FREM1: variants seen among roughly 807,000 people sequenced by gnomAD.
FREM1 encodes FRAS1-related extracellular matrix protein 1.
A neutral mutation model predicts 210.1 loss-of-function variants in FREM1; 220 were observed. That is an observed-to-expected ratio of 1.05 (90% CI 0.94 to 1.17). The LOEUF (loss-of-function observed/expected upper bound fraction) is 1.17, where lower values mean the gene tolerates loss of function less well. FREM1 is among the 50% of genes most tolerant of loss of function. The probability of loss-of-function intolerance (pLI) is 0.00; values close to 1 mark genes in which losing one functional copy is unlikely to be tolerated. For synonymous variants in FREM1, 1,189 were observed against 980.2 expected, an observed-to-expected ratio of 1.21 and a Z score of -3.98; for missense variants, 3,454 against 2,675.5, an observed-to-expected ratio of 1.29 and a Z score of -6.42.
Position 14,812,848 on chromosome 9 carries a change from C to G in FREM1, c.2857G>C (p.Asp953His). Residue 953 changes from aspartate to histidine, a missense_variant, in exon 16 of 37, where the codon GAT becomes CAT. Coordinates refer to ENST00000380880, the MANE Select transcript of FREM1 (RefSeq NM_001379081.2). ...TATGTCACGGCCTCTGAGATAACAT[C>G]TCTCTGAGAGAACTGATCCACTGTG... is the stretch of plus-strand genomic sequence containing the variant. ...GVTVDQFSQR[D>H]VISEAVTYKH... The G allele has an allele frequency of 6.2e-7, 1 of 1,613,486 alleles. No individual in the cohort carries two copies. The highest frequency in any genetic ancestry group is 8.5e-7 in the Non-Finnish European group (1 of 1,179,560).
rs777065193 is a variant in FREM1, at chr9:14,841,477, G to A, written c.1851C>T (p.Ser617=). The A allele has an allele frequency of 1.5e-5, 24 of 1,610,146 alleles. No individual in the cohort carries two copies. The highest frequency in any genetic ancestry group is 1.7e-4 in the Middle Eastern group (1 of 6,054). Residue 617 remains serine (S), a synonymous_variant, in exon 10 of 37, where the codon AGC becomes AGT. Transcript: ENST00000380880. The part of the protein sequence containing the change: ...EDSFQFVLWD[S]HEPPNLSVPQ... ...GCACTGAAAGATTTGGAGGTTCATGGCTGTCCCACAGGACAAATTGAAAAG... is the reference window on the plus strand; with the variant it reads ...GCACTGAAAGATTTGGAGGTTCATGACTGTCCCACAGGACAAATTGAAAAG...
At chr9:14,806,475 A>G (rs1818392372) in intron 18 of FREM1, among the ~76,000 whole-genome samples, 186 bp downstream of exon 18, 1 of 152,080 alleles carries the variant, frequency 6.6e-6, no homozygotes, top group South Asian at 2.1e-4. Flanking sequence ...GCTGGACTCA[A>G]ACTCCTGACC....
intron 3 of FREM1, among the ~76,000 whole-genome samples, chr9:14,859,756 A>T (rs894684300): frequency 6.6e-6 from 1 of 152,152 alleles, no homozygotes; most frequent in Non-Finnish European, 1.5e-5. Context: ...ATATTTAATG[A>T]CTGCTGAGAT....
rs550726565 is a variant in FREM1 at position 14,775,845 on chromosome 9, G to T, written c.4801C>A (p.Gln1601Lys). Residue 1601 changes from glutamine to lysine, a missense_variant, in exon 25 of 37, where the codon CAA becomes AAA. Gln to Lys is a moderately conservative substitution (Grantham distance 53). Transcript: ENST00000380880. Reference protein sequence around the residue: ...FTFMATDGTNQGFIVNGRVWE... With the variant: ...FTFMATDGTNKGFIVNGRVWE... ...ACTCTCCCATTCACAATAAAGCCTT[G>T]GTTTGTCCCATCTGTGGCCATGAAA... is the stretch of plus-strand genomic sequence containing the variant. The T allele has an allele frequency of 5.0e-5, 81 of 1,613,658 alleles. 2 individuals carry two copies. The South Asian group carries it at 7.2e-4, about 14-fold the overall frequency.
At chr9:14,767,565 G>A (rs112469169) in intron 27 of FREM1, among the ~76,000 whole-genome samples, 1 of 152,156 alleles carries the variant, frequency 6.6e-6, no homozygotes, top group South Asian at 2.1e-4. Flanking sequence ...CAATGAAATA[G>A]AGCAAACACC....
intron 36 of FREM1, among the ~76,000 whole-genome samples, chr9:14,739,463 T>TATATATATATATAATTC (rs1554633084): frequency 5.2e-4 from 72 of 138,230 alleles, no homozygotes; most frequent in African/African-American, 1.6e-3. Flanking sequence ...TATATATATA[T>TATATATATATATAATTC]ATATATATAT....
chr9:14,900,524 A>C (rs1838593323), intron 1 of FREM1, among the ~76,000 whole-genome samples: 1 of 152,104 alleles, frequency 6.6e-6, no homozygotes, highest in Non-Finnish European at 1.5e-5. Flanking sequence ...TGCCGCCTCC[A>C]AGAACAGCAC....
At chr9:14,765,252 T>C (rs1486087881) in intron 27 of FREM1, among the ~76,000 whole-genome samples, 1 of 152,214 alleles carries the variant, frequency 6.6e-6, no homozygotes, top group Non-Finnish European at 1.5e-5. Context: ...GTTTTCATTT[T>C]TCTCTTTTTC....
intron 1 of FREM1, among the ~76,000 whole-genome samples, chr9:14,891,967 G>T (rs574276977): frequency 6.6e-6 from 1 of 152,272 alleles, no homozygotes; most frequent in Non-Finnish European, 1.5e-5. Context: ...TGCCTGCTCT[G>T]TCTATGGAGT....
chr9:14,787,381 G>A (rs778365342), intron 23 of FREM1, among the ~76,000 whole-genome samples: 8 of 152,130 alleles, frequency 5.3e-5, no homozygotes, highest in Non-Finnish European at 7.4e-5. Flanking sequence ...GTGTCTACTC[G>A]GTATAGGTTT....
chr9:14,750,841 A>G (rs904176082), intron 29 of FREM1, among the ~76,000 whole-genome samples: 2 of 152,170 alleles, frequency 1.3e-5, no homozygotes, highest in African/African-American at 2.4e-5. Flanking sequence ...CCTCCTAGAG[A>G]GAATTTATGG....
chr9:14,811,961 C>T (rs910576648), intron 16 of FREM1, among the ~76,000 whole-genome samples: 2 of 152,094 alleles, frequency 1.3e-5, no homozygotes, highest in Admixed American at 1.3e-4. Flanking sequence ...ACAGCAAAAG[C>T]CAGCAGATGA....
chr9:14,859,014 A>G (rs1300257438), intron 4 of FREM1, among the ~76,000 whole-genome samples, 169 bp downstream of exon 4: 1 of 152,180 alleles, frequency 6.6e-6, no homozygotes, highest in East Asian at 1.9e-4. Flanking sequence ...AGTTCTCAAA[A>G]CCAGGTCTTT....
chr9:14,794,016 G>A (rs1053715726), intron 21 of FREM1, among the ~76,000 whole-genome samples: 7 of 152,216 alleles, frequency 4.6e-5, no homozygotes, highest in Admixed American at 1.3e-4. Flanking sequence ...GGAAGCCAAT[G>A]TCATTAAGAA....
chr9:14,752,044 A>T (rs1433502855), intron 29 of FREM1, among the ~76,000 whole-genome samples: 1 of 150,890 alleles, frequency 6.6e-6, no homozygotes, highest in Admixed American at 6.7e-5. Flanking sequence ...TCATGGATGG[A>T]TAAATCAATA....
chr9:14,742,428 T>C (rs113136803), intron 35 of FREM1, among the ~76,000 whole-genome samples: 5 of 152,126 alleles, frequency 3.3e-5, no homozygotes, highest in South Asian at 4.1e-4. Flanking sequence ...GATTACAACA[T>C]GTAAATTCAA....
intron 1 of FREM1, among the ~76,000 whole-genome samples, chr9:14,879,574 A>C (rs1445258816): frequency 6.6e-6 from 1 of 152,214 alleles, no homozygotes; most frequent in African/African-American, 2.4e-5. Flanking sequence ...ACTGCAAGCA[A>C]AGTAAATGTC....
chr9:14,897,805 G>C (rs953697368), intron 1 of FREM1, among the ~76,000 whole-genome samples: 1 of 152,028 alleles, frequency 6.6e-6, no homozygotes, highest in Non-Finnish European at 1.5e-5. Flanking sequence ...TGTTGCCCAG[G>C]CTGGTCTCGA....
chr9:14,862,149 T>C (rs1830708817), intron 3 of FREM1, among the ~76,000 whole-genome samples: 1 of 152,252 alleles, frequency 6.6e-6, no homozygotes, highest in South Asian at 2.1e-4. Context: ...CTTTTGGCGC[T>C]TGTTCTGCAT....
Sources: allele counts gnomAD v4.1 joint callset (sites outside exome capture counted in the v4.1 genomes callset), GRCh38; gene constraint gnomAD v4.1.1; transcripts MANE v1.5; gene names NCBI Gene and HGNC (gene_info 2026-07-23, HGNC 2026-07-21).